PARVA: variants seen among roughly 807,000 people sequenced by gnomAD.
PARVA encodes alpha-parvin.
In PARVA, 25 loss-of-function variants were observed where a neutral mutation model predicts 52.6. The ratio of observed to expected loss-of-function variants is 0.48; its 90% CI spans 0.35 to 0.66. The LOEUF (loss-of-function observed/expected upper bound fraction) is 0.66. Ranked by LOEUF, PARVA falls within the 30% of genes least tolerant of loss-of-function variation. PARVA has a pLI of 0.01. For missense variants in PARVA, 373 were observed against 450.9 expected (o/e 0.83, Z 1.56); for synonymous variants, 185 against 179.1 (o/e 1.03, Z -0.26).
At position 12,528,494 on chromosome 11, in the gene PARVA, T is replaced by C. The variant is rs1012019953; in HGVS notation, c.*569T>C. 3.9e-5 allele frequency: 6 copies of C among 155,102 alleles called. No individual in the cohort carries two copies. Among genetic ancestry groups the C allele is most frequent in the African/African-American group, 1.4e-4 (6 of 41,488 alleles). The allele number at this position is 155,102 out of a possible 1,614,324, so 9.6% of individuals were successfully genotyped here. ...GTAACCACTATTCTGAGTCCAATCA[T>C]CAAGGTTTTGCTTTTCTTTTTAGCT... On this transcript the variant is annotated 3_prime_UTR_variant, in exon 13 of 13. Transcript: ENST00000334956.
At chr11:12,523,223 C>T (rs1054188453) in intron 12 of PARVA, among the ~76,000 whole-genome samples, 1 of 152,102 alleles carries the variant, frequency 6.6e-6, no homozygotes, top group Admixed American at 6.5e-5. Flanking sequence ...GATCCTGCCC[C>T]GGTGGGGAAT....
At chr11:12,457,012 C>A (rs183146487) in intron 1 of PARVA, among the ~76,000 whole-genome samples, 25 of 152,298 alleles carry the variant, frequency 1.6e-4, no homozygotes, top group African/African-American at 5.8e-4. Flanking sequence ...TGGCCTTTGC[C>A]ACTCTATGCT....
At chr11:12,421,844 C>T (rs4255521) in intron 1 of PARVA, among the ~76,000 whole-genome samples, 72,998 of 152,070 alleles carry the variant, frequency 0.48, 18,669 homozygotes, top group South Asian at 0.72. Context: ...AGATCTTTAT[C>T]TGATTATGTT....
At chr11:12,474,464 C>T (rs527291863) in intron 3 of PARVA, among the ~76,000 whole-genome samples, 23 of 152,172 alleles carry the variant, frequency 1.5e-4, no homozygotes, top group South Asian at 1.5e-3. Context: ...GGCTGGCGTG[C>T]GCTTGTCCTT....
At chr11:12,473,640 A>C (rs772209306) in intron 1 of PARVA, 105 bp from the exon 2 acceptor site, 5 of 807,564 alleles carry the variant, frequency 6.2e-6, no homozygotes, top group Non-Finnish European at 1.0e-5. Flanking sequence ...ATCTACCCTT[A>C]GTGGGTTTTT....
At chr11:12,445,762 G>A (rs1489667973) in intron 1 of PARVA, among the ~76,000 whole-genome samples, 3 of 152,064 alleles carry the variant, frequency 2.0e-5, no homozygotes, top group African/African-American at 7.2e-5. Flanking sequence ...CCATACATAT[G>A]GGGGCCATAT....
At chr11:12,397,942 G>T (rs568014751) in intron 1 of PARVA, among the ~76,000 whole-genome samples, 1 of 152,064 alleles carries the variant, frequency 6.6e-6, no homozygotes, top group South Asian at 2.1e-4. Flanking sequence ...CACACGCAGA[G>T]GTCTGAAGCC....
chr11:12,416,816 G>GAGGGCAGAGAGATGGA (rs1353033691), intron 1 of PARVA, among the ~76,000 whole-genome samples: 1 of 151,998 alleles, frequency 6.6e-6, no homozygotes, highest in South Asian at 2.1e-4. Context: ...GGGAGGGCAC[G>GAGGGCAGAGAGATGGA]AGGGCAGAGA....
chr11:12,488,284 A>C (rs1203308878), intron 4 of PARVA, among the ~76,000 whole-genome samples: 1 of 152,198 alleles, frequency 6.6e-6, no homozygotes, highest in Non-Finnish European at 1.5e-5. Flanking sequence ...ATGGCTGATG[A>C]CTAGATGTTC....
intron 1 of PARVA, among the ~76,000 whole-genome samples, chr11:12,454,458 A>G: frequency 6.6e-6 from 1 of 152,082 alleles, no homozygotes; most frequent in African/African-American, 2.4e-5. Flanking sequence ...TATTTTTTTC[A>G]GATGGACATT....
chr11:12,429,922 C>T (rs868554205), intron 1 of PARVA, among the ~76,000 whole-genome samples: 2 of 151,972 alleles, frequency 1.3e-5, no homozygotes, highest in Non-Finnish European at 1.5e-5. Flanking sequence ...CTTTGCTGAT[C>T]GTATAACAGT....
In PARVA at chr11:12,478,006, C is replaced by T. The variant is rs761495717; in HGVS notation, c.400+57C>T. 3 of 899,594 alleles carry T rather than the reference C, an allele frequency of 3.3e-6. No individual in the cohort carries two copies. In the African/African-American group the frequency reaches 4.9e-5, roughly 15 times the overall value. The allele number at this position is 899,594 out of a possible 1,614,324, so 55.7% of individuals were successfully genotyped here. On this transcript the variant is annotated intron_variant, in intron 4 of 12. Coordinates refer to ENST00000334956, the MANE Select transcript of PARVA (RefSeq NM_018222.5). ...GTTTAATTGCAGGTGGTTGGATCACCTACTTGTAGCTAGAAGGAGTTATTC... is the reference window on the plus strand; with the variant it reads ...GTTTAATTGCAGGTGGTTGGATCACTTACTTGTAGCTAGAAGGAGTTATTC...
At chr11:12,470,659 C>CAGATCATGATGAGAAAAT (rs144122113) in intron 1 of PARVA, among the ~76,000 whole-genome samples, 2 of 152,100 alleles carry the variant, frequency 1.3e-5, no homozygotes, top group African/African-American at 2.4e-5. Flanking sequence ...GTTTTTATTT[C>CAGATCATGATGAGAAAAT]AGATCATGAT....
At chr11:12,483,068 A>C (rs1355268192) in intron 4 of PARVA, among the ~76,000 whole-genome samples, 1 of 152,080 alleles carries the variant, frequency 6.6e-6, no homozygotes, top group East Asian at 1.9e-4. Flanking sequence ...TGCCTGGCTC[A>C]CCTCTGTGTG....
chr11:12,471,073 T>G (rs1435134547), intron 1 of PARVA, among the ~76,000 whole-genome samples: 2 of 152,176 alleles, frequency 1.3e-5, no homozygotes, highest in African/African-American at 4.8e-5. Flanking sequence ...AATGAGAACT[T>G]AAGAGTGATT....
chr11:12,477,555 C>T (rs1188753139), intron 3 of PARVA, among the ~76,000 whole-genome samples: 3 of 152,176 alleles, frequency 2.0e-5, no homozygotes, highest in Non-Finnish European at 2.9e-5. Flanking sequence ...TGTGCACACA[C>T]TGGGTTATGT....
intron 1 of PARVA, among the ~76,000 whole-genome samples, chr11:12,410,836 G>A (rs1382890478): frequency 6.6e-6 from 1 of 152,136 alleles, no homozygotes; most frequent in Non-Finnish European, 1.5e-5. Flanking sequence ...ATAAAGTATC[G>A]CATGGAATGT....
chr11:12,390,924 TCC>T (rs1006719092), intron 1 of PARVA, among the ~76,000 whole-genome samples: 70 of 152,022 alleles, frequency 4.6e-4, no homozygotes, highest in African/African-American at 1.5e-3. Flanking sequence ...TACAGGCAAG[TCC>T]TGAAATAGCC....
chr11:12,479,153 C>A (rs933721855), intron 4 of PARVA: 1 of 152,188 alleles, frequency 6.6e-6, no homozygotes, highest in South Asian at 2.1e-4. Flanking sequence ...TATTAACATG[C>A]CTGTACCTTT....
Sources: allele counts gnomAD v4.1 joint callset (sites outside exome capture counted in the v4.1 genomes callset), GRCh38; gene constraint gnomAD v4.1.1; transcripts MANE v1.5; gene names NCBI Gene and HGNC (gene_info 2026-07-23, HGNC 2026-07-21).